Variants in ERI1 observed in about 807,000 individuals in gnomAD.
ERI1 encodes the protein exoribonuclease 1, also known as 3'-5' exoribonuclease 1.
A neutral mutation model predicts 39.7 loss-of-function variants in ERI1; 39 were observed. The observed-to-expected ratio is 0.98, with a 90% CI of 0.76 to 1.28. ERI1 has a LOEUF of 1.28. ERI1 is among the 50% of genes most tolerant of loss of function. The pLI is 0.00. For synonymous variants in ERI1, 204 were observed against 149.6 expected (o/e 1.36, Z -2.65); for missense variants, 581 against 416.9 (o/e 1.39, Z -3.43).
chr8:9,012,553 A>G (rs765181656), intron 3 of ERI1, among the ~76,000 whole-genome samples: 2 of 152,300 alleles, frequency 1.3e-5, no homozygotes, highest in East Asian at 1.9e-4. Context: ...GTCTTAGCCT[A>G]TTTCTATAAT....
At chr8:9,072,527 C>G (rs1438364524) in intron 3 of ERI1, 1 of 152,058 alleles carries the variant, frequency 6.6e-6, no homozygotes, top group Non-Finnish European at 1.5e-5. Context: ...GATTTCAGAA[C>G]GTTTAATCAC....
rs11380594 is a variant in ERI1 at position 9,097,666 on chromosome 8, CAAAA to C, written n.300-18667_300-18664del. Among the ~76,000 whole-genome samples, 255 of 96,714 alleles carry C rather than the reference CAAAA, an allele frequency of 2.6e-3. 1 individual carries two copies. The highest frequency in any genetic ancestry group is 3.2e-3 in the Non-Finnish European group (150 of 46,618). 63.4% of individuals were successfully genotyped at this position (96,714 alleles called of 152,430 possible). A position where few individuals can be genotyped will look rare whatever the true frequency, so the allele number is the denominator to read the frequency against. Reference sequence around the variant, plus strand: ...CCTAGGTGACAGAATGACACTCTGTCAAAAAAAAAAAAAAAAAAGAGTAATTTAT... The same window carrying C: ...CCTAGGTGACAGAATGACACTCTGTCAAAAAAAAAAAAAAGAGTAATTTAT... On this transcript the variant is annotated intron_variant and non_coding_transcript_variant, in intron 3 of 3. Transcript: ENST00000518663.
intron 6 of ERI1, among the ~76,000 whole-genome samples, chr8:9,023,599 T>G (rs764617321): frequency 1.5e-4 from 23 of 152,060 alleles, no homozygotes; most frequent in Non-Finnish European, 2.5e-4. Flanking sequence ...TTGTGTGTGG[T>G]TTTCCCCTCT....
At chr8:9,008,247 G>T (rs538095448) in intron 2 of ERI1, 99 bp downstream of exon 2, 7 of 1,040,874 alleles carry the variant, frequency 6.7e-6, no homozygotes, top group South Asian at 5.8e-5. Flanking sequence ...TAATCCTACC[G>T]TAATGACATG....
intron 3 of ERI1, among the ~76,000 whole-genome samples, chr8:9,071,163 G>A (rs946250618): frequency 1.2e-4 from 18 of 152,148 alleles, no homozygotes; most frequent in African/African-American, 3.9e-4. Flanking sequence ...TGTCTAACGC[G>A]GGGCATTATT....
At chr8:9,065,223 A>G (rs1396479662) in intron 3 of ERI1, among the ~76,000 whole-genome samples, 1 of 152,230 alleles carries the variant, frequency 6.6e-6, no homozygotes, top group Admixed American at 6.5e-5. Flanking sequence ...AGCTAAGTGC[A>G]TGTACAAAAA....
intron 6 of ERI1, among the ~76,000 whole-genome samples, chr8:9,026,972 G>T (rs1018841587): frequency 1.3e-5 from 2 of 152,188 alleles, no homozygotes; most frequent in Middle Eastern, 3.4e-3. Flanking sequence ...TCTTCTTCCT[G>T]TATAACCAGA....
At position 9,029,901 on chromosome 8, in the gene ERI1, C is replaced by T. The variant is rs1345617728; in HGVS notation, c.917C>T (p.Ala306Val). The T allele has an allele frequency of 6.2e-7, 1 of 1,614,156 alleles. No individual in the cohort carries two copies. Among genetic ancestry groups the T allele is most frequent in the Non-Finnish European group, 8.5e-7 (1 of 1,180,040 alleles). Residue 306 changes from alanine to valine, a missense_variant, in exon 7 of 7, where the codon GCA becomes GTA. By Grantham distance (64) the Ala-to-Val change is moderately conservative. Coordinates refer to ENST00000250263, the MANE Select transcript of ERI1 (RefSeq NM_153332.4). ...LDDSKNIARI[A>V]VRMLQDGCEL... ...GACTCTAAGAATATCGCCCGAATAG[C>T]AGTTCGAATGCTTCAGGATGGGTGT... is the stretch of plus-strand genomic sequence containing the variant.
At chr8:9,060,463 C>G (rs918449650) in intron 3 of ERI1, among the ~76,000 whole-genome samples, 1 of 152,004 alleles carries the variant, frequency 6.6e-6, no homozygotes, top group South Asian at 2.1e-4. Context: ...CGGAACAATC[C>G]CTGAGGGGCA....
intron 3 of ERI1, among the ~76,000 whole-genome samples, chr8:9,075,598 G>C (rs191784341): frequency 1.3e-5 from 2 of 149,684 alleles, no homozygotes; most frequent in African/African-American, 4.9e-5. Context: ...TTTTGTTGTT[G>C]TTGTTGCTTC....
chr8:9,037,977 T>G (rs1797905316), downstream of ERI1, among the ~76,000 whole-genome samples: 1 of 152,048 alleles, frequency 6.6e-6, no homozygotes, highest in Non-Finnish European at 1.5e-5. Flanking sequence ...GAGCACTGAT[T>G]TTTCAAACTT....
rs1288156365 is a variant in ERI1, at chr8:9,030,307, T to C, written c.*273T>C. The C allele has an allele frequency of 1.1e-5, 4 of 380,610 alleles. No homozygotes were observed. The Admixed American group carries it at 1.6e-4, about 15-fold the overall frequency. 23.6% of individuals were successfully genotyped at this position (380,610 alleles called of 1,614,324 possible). A position where few individuals can be genotyped will look rare whatever the true frequency, so the allele number is the denominator to read the frequency against. On this transcript the variant is annotated 3_prime_UTR_variant, in exon 7 of 7. Coordinates refer to ENST00000250263, the MANE Select transcript of ERI1 (RefSeq NM_153332.4). The stretch of plus-strand genomic sequence containing the variant: ...ATTTTATAATTTAAGGTGTTCAAGA[T>C]ATATTCTTTTTGGTTTTAAAATGCA...
intron 3 of ERI1, among the ~76,000 whole-genome samples, chr8:9,082,836 G>T (rs554041918): frequency 6.6e-6 from 1 of 152,104 alleles, no homozygotes; most frequent in African/African-American, 2.4e-5. Flanking sequence ...GCAAGAGTCC[G>T]GTCTAGTCAG....
chr8:9,012,490 G>C (rs1241022398), intron 3 of ERI1, among the ~76,000 whole-genome samples: 1 of 152,262 alleles, frequency 6.6e-6, no homozygotes, highest in East Asian at 1.9e-4. Flanking sequence ...AAAAGGTTTT[G>C]TGAATTAAAA....
intron 6 of ERI1, 121 bp downstream of exon 6, chr8:9,020,585 T>G: frequency 3.3e-6 from 2 of 612,884 alleles, no homozygotes; most frequent in Non-Finnish European, 5.5e-6. Context: ...TAATTAGTTC[T>G]TACTCTTCAG....
intron 6 of ERI1, among the ~76,000 whole-genome samples, chr8:9,027,635 A>T (rs187868467): frequency 3.9e-5 from 6 of 152,138 alleles, no homozygotes; most frequent in African/African-American, 1.2e-4. Flanking sequence ...TCTTTGATCA[A>T]TTTTAAGTTA....
At chr8:9,071,926 C>G (rs1446154011) in intron 3 of ERI1, among the ~76,000 whole-genome samples, 1 of 152,074 alleles carries the variant, frequency 6.6e-6, no homozygotes, top group African/African-American at 2.4e-5. Context: ...AATTAGCAAG[C>G]GTGGTGGTGC....
chr8:9,062,980 G>C (rs888978772), intron 3 of ERI1, among the ~76,000 whole-genome samples: 23 of 152,280 alleles, frequency 1.5e-4, no homozygotes, highest in African/African-American at 5.3e-4. Context: ...TGCTGGAGAT[G>C]TGGCTGGGGT....
chr8:9,085,587 T>G (rs994438469), intron 3 of ERI1, among the ~76,000 whole-genome samples: 3 of 151,540 alleles, frequency 2.0e-5, no homozygotes, highest in Admixed American at 1.3e-4. Flanking sequence ...TCTCTGCTTG[T>G]GTACTAAACT....
Sources: gnomAD v4.1 joint callset for allele counts (sites outside exome capture counted in the v4.1 genomes callset) on GRCh38, gnomAD v4.1.1 for gene constraint, MANE v1.5 for transcripts, NCBI Gene and HGNC (gene_info 2026-07-23, HGNC 2026-07-21) for gene names.